The following ADM2 variants were observed in gnomAD, a reference collection of about 807,000 sequenced individuals.
The protein encoded by ADM2 is adrenomedullin 2.
ADM2 carries 5 observed loss-of-function variants against 7.1 expected under a neutral mutation model. That is an observed-to-expected ratio of 0.71 (90% CI 0.37 to 1.49). The LOEUF is 1.49. Among genes scored for constraint, ADM2 ranks in the 40% most tolerant of loss-of-function variants. ADM2 has a pLI of 0.03. For synonymous variants in ADM2, 123 were observed against 92.8 expected, an observed-to-expected ratio of 1.33 and a Z score of -1.87; for missense variants, 236 against 211.2, an observed-to-expected ratio of 1.12 and a Z score of -0.73.
chr22:50,483,639 TC>T lies in ADM2; in HGVS notation c.*741del. On this transcript the variant is annotated 3_prime_UTR_variant, in exon 3 of 3. Transcript: ENST00000395737. ...CAGGGCAGGGCTGGGTGGGGCAAGA[TC>T]CCCCAGCCCGACTAGACCCACCTCA... 1 of 234,524 alleles carries T rather than the reference TC, an allele frequency of 4.3e-6. No homozygotes were observed. Among genetic ancestry groups the T allele is most frequent in the Non-Finnish European group, 8.7e-6 (1 of 115,182 alleles). 14.5% of individuals were successfully genotyped at this position (234,524 alleles called of 1,614,324 possible).
rs1308339851 is a variant in ADM2 at position 50,481,844 on chromosome 22, C to T, written c.-4C>T. 5 of 1,496,502 alleles carry T rather than the reference C, an allele frequency of 3.3e-6. No individual in the cohort carries two copies. The highest frequency in any genetic ancestry group is 2.5e-5 in the South Asian group (2 of 80,342). The allele number at this position is 1,496,502 out of a possible 1,614,324, so 92.7% of individuals were successfully genotyped here. ...CCGCCCCCTCCCCTGCAGCCCCGCC[C>T]GCCATGGCCCGGATCCCGACGGCCG... On this transcript the variant is annotated 5_prime_UTR_variant, in exon 2 of 3. Coordinates refer to ENST00000395737, the MANE Select transcript of ADM2 (RefSeq NM_001253845.2).
Position 50,481,768 on chromosome 22 carries a change from C to G in ADM2, c.-12+5C>G. On this transcript the variant is annotated splice_donor_5th_base_variant and intron_variant, in intron 1 of 2. Coordinates refer to ENST00000395737, the MANE Select transcript of ADM2 (RefSeq NM_001253845.2). ...GACCGCGGAGGACTCCCCGAGGTGCCGGCGGAGGGGGTGGCTCGCGGCTCA... is the reference window on the plus strand; with the variant it reads ...GACCGCGGAGGACTCCCCGAGGTGCGGGCGGAGGGGGTGGCTCGCGGCTCA... The G allele has an allele frequency of 1.0e-6, 1 of 999,212 alleles. No homozygotes were observed. Among genetic ancestry groups the G allele is most frequent in the Non-Finnish European group, 1.4e-6 (1 of 731,336 alleles). 61.9% of individuals were successfully genotyped at this position (999,212 alleles called of 1,614,324 possible).
rs977092253 is a variant in ADM2 at position 50,486,021 on chromosome 22, G to A, written c.*3118G>A. ...GCGGCCTGGGTGTTGGCGGTTCCGT[G>A]CCTGCTCCAACTCTCCGTGAGGCCC... On this transcript the variant is annotated 3_prime_UTR_variant, in exon 3 of 3. Transcript: ENST00000395737. 2.6e-5 allele frequency: 4 copies of A among 152,146 alleles called. No homozygotes were observed. The highest frequency in any genetic ancestry group is 2.0e-4 in the Admixed American group (3 of 15,274). 9.4% of individuals were successfully genotyped at this position (152,146 alleles called of 1,614,324 possible). A position where few individuals can be genotyped will look rare whatever the true frequency, so the allele number is the denominator to read the frequency against.
Position 50,485,202 on chromosome 22 carries a change from C to G in ADM2, c.*2299C>G, listed in dbSNP as rs1014339474. 1.3e-5 allele frequency: 2 copies of G among 152,314 alleles called. No individual in the cohort carries two copies. The highest frequency in any genetic ancestry group is 2.9e-5 in the Non-Finnish European group (2 of 68,172). The allele number at this position is 152,314 out of a possible 1,614,324, so 9.4% of individuals were successfully genotyped here. On this transcript the variant is annotated 3_prime_UTR_variant, in exon 3 of 3. Coordinates refer to ENST00000395737, the MANE Select transcript of ADM2 (RefSeq NM_001253845.2). ...AAAATAGTAATAATACAAAAATTAG[C>G]TGGGCGTGGTGGCACATGCCAGTAA...
chr22:50,482,057 G>A (rs1304788138), intron 2 of ADM2, 100 bp downstream of exon 2: 5 of 1,104,184 alleles, frequency 4.5e-6, no homozygotes, highest in Admixed American at 5.0e-5. Flanking sequence ...TCCACCTGCT[G>A]CTAGGACTCC....
chr22:50,482,303 C>T (rs1012560797), intron 2 of ADM2, among the ~76,000 whole-genome samples: 3 of 152,164 alleles, frequency 2.0e-5, no homozygotes, highest in African/African-American at 7.2e-5. Context: ...AGAGTGGTGA[C>T]CCGCAGAGGC....
At position 50,481,827 on chromosome 22, in the gene ADM2, TC is replaced by T; in HGVS notation, c.-11-6del. 1.4e-6 allele frequency: 2 copies of T among 1,458,358 alleles called. No individual in the cohort carries two copies. The highest frequency in any genetic ancestry group is 1.8e-6 in the Non-Finnish European group (2 of 1,105,086). 90.3% of individuals were successfully genotyped at this position (1,458,358 alleles called of 1,614,324 possible). A position where few individuals can be genotyped will look rare whatever the true frequency, so the allele number is the denominator to read the frequency against. On this transcript the variant is annotated splice_polypyrimidine_tract_variant and intron_variant, in intron 1 of 2. Transcript: ENST00000395737. Reference sequence around the variant, plus strand: ...CCGACGTGCCCGGCTCACCGCCCCCTCCCCTGCAGCCCCGCCCGCCATGGCC... The same window carrying T: ...CCGACGTGCCCGGCTCACCGCCCCCTCCCTGCAGCCCCGCCCGCCATGGCC...
Position 50,482,568 on chromosome 22 carries a change from G to T in ADM2, c.112G>T (p.Glu38Ter). The part of the protein sequence containing the change: ...GGDPRPVKPR[E>*]PPARSPSSSL... ...GACATTCTCCATCTGCCTCTGCAGG[G>T]AGCCCCCAGCCCGGAGCCCTTCCAG... Residue 38 changes from glutamate (E) to a stop codon, truncating the protein, a stop_gained and splice_region_variant, in exon 3 of 3, where the codon GAG (glutamate) becomes TAG (stop). Coordinates refer to ENST00000395737, the MANE Select transcript of ADM2 (RefSeq NM_001253845.2). LOFTEE classifies it low-confidence loss of function (END_TRUNC). 1 of 1,456,030 alleles carries T rather than the reference G, an allele frequency of 6.9e-7. No individual in the cohort carries two copies. Among genetic ancestry groups the T allele is most frequent in the South Asian group, 1.5e-5 (1 of 68,486 alleles). 90.2% of individuals were successfully genotyped at this position (1,456,030 alleles called of 1,614,324 possible).
At chr22:50,482,178 G>A (rs2068204418) in intron 2 of ADM2, among the ~76,000 whole-genome samples, 1 of 152,186 alleles carries the variant, frequency 6.6e-6, no homozygotes, top group Non-Finnish European at 1.5e-5. Flanking sequence ...ACACACATGG[G>A]CACAGCAGCC....
chr22:50,482,423 TG>T, intron 2 of ADM2, 143 bp from the exon 3 acceptor site: 1 of 1,339,238 alleles, frequency 7.5e-7, no homozygotes. Flanking sequence ...GGGCTTCCCC[TG>T]GCCGTGCTCC....
chr22:50,482,040 C>A (rs958419283), intron 2 of ADM2, 83 bp downstream of exon 2: 2 of 1,248,064 alleles, frequency 1.6e-6, no homozygotes, highest in African/African-American at 1.6e-5. Flanking sequence ...CGCCCTCCCT[C>A]CACGCCTCCA....
chr22:50,483,464 G>A lies in ADM2; in HGVS notation c.*561G>A, dbSNP rs968865633. ...CTCCAGAGGTCATGAAGGGACCTCT[G>A]TGGCTCCAGCTGCCAACCCTGGAGC... is the stretch of plus-strand genomic sequence containing the variant. On this transcript the variant is annotated 3_prime_UTR_variant, in exon 3 of 3. Coordinates refer to ENST00000395737, the MANE Select transcript of ADM2 (RefSeq NM_001253845.2). 2.8e-6 allele frequency: 1 copy of A among 353,270 alleles called. No individual in the cohort carries two copies. The highest frequency in any genetic ancestry group is 2.1e-5 in the African/African-American group (1 of 46,706). The allele number at this position is 353,270 out of a possible 1,614,324, so 21.9% of individuals were successfully genotyped here.
chr22:50,482,155 G>C (rs1396597071), intron 2 of ADM2, among the ~76,000 whole-genome samples, 198 bp downstream of exon 2: 1 of 152,216 alleles, frequency 6.6e-6, no homozygotes, highest in Non-Finnish European at 1.5e-5. Context: ...ACACAGGGCA[G>C]TTGCTCCTCC....
chr22:50,482,626 C>G lies in ADM2; in HGVS notation c.170C>G (p.Pro57Arg). 6.6e-7 allele frequency: 1 copy of G among 1,524,476 alleles called. No individual in the cohort carries two copies. Among genetic ancestry groups the G allele is most frequent in the Non-Finnish European group, 8.8e-7 (1 of 1,134,524 alleles). 94.4% of individuals were successfully genotyped at this position (1,524,476 alleles called of 1,614,324 possible). A position where few individuals can be genotyped will look rare whatever the true frequency, so the allele number is the denominator to read the frequency against. Residue 57 changes from proline to arginine, a missense_variant, in exon 3 of 3, where the codon CCT (proline) becomes CGT (arginine). By Grantham distance (103) the Pro-to-Arg change is moderately radical (BLOSUM62 -2). Coordinates refer to ENST00000395737, the MANE Select transcript of ADM2 (RefSeq NM_001253845.2). Reference sequence around the variant, plus strand: ...CAGCCCAGGCACCCCGCACCCCGACCTGTGGTCTGGAAGCTTCACCGGGCC... The same window carrying G: ...CAGCCCAGGCACCCCGCACCCCGACGTGTGGTCTGGAAGCTTCACCGGGCC... ...SLQPRHPAPR[P>R]VVWKLHRALQ...
chr22:50,481,944 C>T lies in ADM2; in HGVS notation c.97C>T (p.Pro33Ser), dbSNP rs1261961633. Residue 33 changes from proline to serine, a missense_variant, in exon 2 of 3, where the codon CCC (proline) becomes TCC (serine). Pro to Ser is a moderately conservative substitution (Grantham distance 74, BLOSUM62 -1). Coordinates refer to ENST00000395737, the MANE Select transcript of ADM2 (RefSeq NM_001253845.2). ...CCGCAGCCTGGGCGGGGACCCGCGACCCGTCAAACCCAGGTGAGTCCAGGT... is the reference window on the plus strand; with the variant it reads ...CCGCAGCCTGGGCGGGGACCCGCGATCCGTCAAACCCAGGTGAGTCCAGGT... ...LSRSLGGDPR[P>S]VKPREPPARS... The T allele has an allele frequency of 1.3e-6, 2 of 1,535,656 alleles. No homozygotes were observed. The highest frequency in any genetic ancestry group is 2.6e-5 in the East Asian group (1 of 38,544).
rs1287024451 is a variant in ADM2 at position 50,482,907 on chromosome 22, G to A, written c.*4G>A. The A allele has an allele frequency of 3.2e-6, 5 of 1,579,306 alleles. No homozygotes were observed. The highest frequency in any genetic ancestry group is 1.1e-5 in the South Asian group (1 of 87,848). On this transcript the variant is annotated 3_prime_UTR_variant, in exon 3 of 3. Coordinates refer to ENST00000395737, the MANE Select transcript of ADM2 (RefSeq NM_001253845.2). The stretch of plus-strand genomic sequence containing the variant: ...CAGCCCCCACAGCTATGGCTGAGGT[G>A]GGGCCGGGCCACACCCCTGCCCATC...
In ADM2 at chr22:50,483,657, C is replaced by T. The variant is rs1045180071; in HGVS notation, c.*754C>T. The T allele has an allele frequency of 1.4e-5, 3 of 222,172 alleles. No individual in the cohort carries two copies. The highest frequency in any genetic ancestry group is 4.6e-5 in the African/African-American group (2 of 43,138). 13.8% of individuals were successfully genotyped at this position (222,172 alleles called of 1,614,324 possible). A position where few individuals can be genotyped will look rare whatever the true frequency, so the allele number is the denominator to read the frequency against. On this transcript the variant is annotated 3_prime_UTR_variant, in exon 3 of 3. Transcript: ENST00000395737. ...GGCAAGATCCCCCAGCCCGACTAGA[C>T]CCACCTCACCTGAAGGGGGTGAGAC... is the stretch of plus-strand genomic sequence containing the variant.
chr22:50,482,870 T>C lies in ADM2; in HGVS notation c.414T>C (p.Pro138=), dbSNP rs769522164. Residue 138 remains proline, a synonymous_variant, in exon 3 of 3, where the codon CCT becomes CCC. Coordinates refer to ENST00000395737, the MANE Select transcript of ADM2 (RefSeq NM_001253845.2). The part of the protein sequence containing the change: ...MGPAGRQDSA[P]VDPSSPHSYG ...CGGCCGGCCGGCAGGACTCAGCTCC[T>C]GTGGACCCCAGCAGCCCCCACAGCT... 6.2e-7 allele frequency: 1 copy of C among 1,604,450 alleles called. No homozygotes were observed. The highest frequency in any genetic ancestry group is 1.7e-5 in the Admixed American group (1 of 59,672).
rs974738034 is a variant in ADM2 at position 50,483,302 on chromosome 22, G to C, written c.*399G>C. ...GGCCCCTCCGCTGCTGGTCCAGTCA[G>C]ACTGAAGCCCGGCCTTGTGCCTGGG... On this transcript the variant is annotated 3_prime_UTR_variant, in exon 3 of 3. Transcript: ENST00000395737. The C allele has an allele frequency of 2.1e-6, 1 of 473,006 alleles. No individual in the cohort carries two copies. Among genetic ancestry groups the C allele is most frequent in the Non-Finnish European group, 4.2e-6 (1 of 237,668 alleles). 29.3% of individuals were successfully genotyped at this position (473,006 alleles called of 1,614,324 possible).
Sources: allele counts gnomAD v4.1 joint callset (sites outside exome capture counted in the v4.1 genomes callset), GRCh38; gene constraint gnomAD v4.1.1; transcripts MANE v1.5; gene names NCBI Gene and HGNC (gene_info 2026-07-23, HGNC 2026-07-21).